The following CHRNG variants were observed in gnomAD, a reference collection of about 807,000 sequenced individuals.
The protein encoded by CHRNG is acetylcholine receptor subunit gamma.
CHRNG carries 72 observed loss-of-function variants against 65.2 expected under a neutral mutation model. The ratio of observed to expected loss-of-function variants is 1.10; its 90% CI spans 0.91 to 1.34. The LOEUF is 1.34. CHRNG is among the 40% of genes most tolerant of loss of function. The pLI is 0.00. For synonymous variants in CHRNG, 284 were observed against 290.2 expected (o/e 0.98, Z 0.22); for missense variants, 637 against 680.1 (o/e 0.94, Z 0.70).
chr2:232,545,711 G>T lies in CHRNG; in HGVS notation c.1549G>T (p.Asp517Tyr). ...GDPRPYLPSP[D>Y] The stretch of plus-strand genomic sequence containing the variant: ...TCCACGCCCCTACCTGCCCTCACCA[G>T]ACTGAGCCAACCAACCACTGTGGGG... Residue 517 changes from aspartate (D) to tyrosine (Y), a missense_variant, in exon 12 of 12, where the codon GAC becomes TAC. Asp to Tyr is a radical substitution (Grantham distance 160). Coordinates refer to ENST00000651502, the MANE Select transcript of CHRNG (RefSeq NM_005199.5). 6.2e-7 allele frequency: 1 copy of T among 1,614,138 alleles called. No individual in the cohort carries two copies. The highest frequency in any genetic ancestry group is 8.5e-7 in the Non-Finnish European group (1 of 1,180,050).
intron 10 of CHRNG, 47 bp from the exon 11 acceptor site, chr2:232,544,725 G>A (rs1341075107): frequency 6.2e-7 from 1 of 1,612,328 alleles, no homozygotes; most frequent in Non-Finnish European, 8.5e-7. Context: ...TTCTCTGCCT[G>A]TTTCTCCTCC....
At chr2:232,543,209 G>C in intron 7 of CHRNG, 66 bp from the exon 8 acceptor site, 1 of 1,531,726 alleles carries the variant, frequency 6.5e-7, no homozygotes, top group Non-Finnish European at 9.0e-7. Context: ...TACTTCTGGG[G>C]TAAGGGGTTC....
chr2:232,540,272 G>C lies in CHRNG; in HGVS notation c.196-109G>C. 2.5e-6 allele frequency: 4 copies of C among 1,598,738 alleles called. No homozygotes were observed. Among genetic ancestry groups the C allele is most frequent in the African/African-American group, 1.3e-5 (1 of 74,700 alleles). On this transcript the variant is annotated intron_variant, in intron 2 of 11. Transcript: ENST00000651502. This position sits in a 1 kb window ranked among gnomAD's most constrained non-coding sequence, Gnocchi z 4.2. Reference sequence around the variant, plus strand: ...GTCTGGAAAACCCCCATGGTTGTGGGGGGAGTACTATCAAGAGGCTGGGGG... The same window carrying C: ...GTCTGGAAAACCCCCATGGTTGTGGCGGGAGTACTATCAAGAGGCTGGGGG...
chr2:232,542,548 C>A (rs754079475), intron 6 of CHRNG, 28 bp downstream of exon 6: 9 of 1,473,904 alleles, frequency 6.1e-6, no homozygotes, highest in Admixed American at 1.7e-5. Flanking sequence ...GCTCCCCAGG[C>A]AGCCTCATCC....
chr2:232,545,031 T>G (rs567321090), intron 11 of CHRNG, 129 bp downstream of exon 11: 3 of 1,177,270 alleles, frequency 2.5e-6, no homozygotes, highest in East Asian at 2.6e-5. Flanking sequence ...GTGCAGTGGG[T>G]CACACCTGTA....
chr2:232,544,987 G>A, intron 11 of CHRNG, 85 bp downstream of exon 11: 1 of 1,568,048 alleles, frequency 6.4e-7, no homozygotes, highest in Non-Finnish European at 8.7e-7. Context: ...GGGTTGCCAA[G>A]ATAGGGCAGT....
intron 5 of CHRNG, 133 bp from the exon 6 acceptor site, chr2:232,542,290 T>C (rs752483876): frequency 1.4e-5 from 10 of 698,464 alleles, no homozygotes; most frequent in East Asian, 8.1e-5. Flanking sequence ...TGGGGTTTTA[T>C]AGAGAACTCA....
Position 232,539,988 on chromosome 2 carries a change from G to A in CHRNG, c.56-4G>A, listed in dbSNP as rs1466291910. The A allele has an allele frequency of 3.1e-6, 5 of 1,614,030 alleles. No individual in the cohort carries two copies. The highest frequency in any genetic ancestry group is 3.4e-6 in the Non-Finnish European group (4 of 1,180,020). On this transcript the variant is annotated splice_region_variant and splice_polypyrimidine_tract_variant and intron_variant, in intron 1 of 11. Transcript: ENST00000651502. Reference sequence around the variant, plus strand: ...CCTGCTAGGCTCACGCCTGTCTATTGCAGGGGCCCAGGGCCGGAACCAGGA... The same window carrying A: ...CCTGCTAGGCTCACGCCTGTCTATTACAGGGGCCCAGGGCCGGAACCAGGA...
chr2:232,544,412 C>T lies in CHRNG; in HGVS notation c.1081C>T (p.Pro361Ser). ...CCAGCTGCTGAGGATGCACGTTCGCCCGCTGGCCCCGGCAGCTGTGCAGGA... is the reference window on the plus strand; with the variant it reads ...CCAGCTGCTGAGGATGCACGTTCGCTCGCTGGCCCCGGCAGCTGTGCAGGA... The part of the protein sequence containing the change: ...LPQLLRMHVR[P>S]LAPAAVQDTQ... The change falls in exon 10 of 12, where the codon CCG becomes TCG. Residue 361 changes from proline (P) to serine (S), a missense_variant. Pro to Ser is a moderately conservative substitution (Grantham distance 74, BLOSUM62 -1). Coordinates refer to ENST00000651502, the MANE Select transcript of CHRNG (RefSeq NM_005199.5). 2 of 1,613,546 alleles carry T rather than the reference C, an allele frequency of 1.2e-6. No individual in the cohort carries two copies. The highest frequency in any genetic ancestry group is 1.7e-6 in the Non-Finnish European group (2 of 1,179,994).
intron 8 of CHRNG, 39 bp downstream of exon 8, chr2:232,543,428 T>C (rs753742552): frequency 2.0e-6 from 3 of 1,475,378 alleles, no homozygotes; most frequent in Non-Finnish European, 2.8e-6. Context: ...TATGCCACTC[T>C]CCCTTCTTGG....
intron 7 of CHRNG, 26 bp from the exon 8 acceptor site, chr2:232,543,249 T>C: frequency 6.2e-7 from 1 of 1,601,200 alleles, no homozygotes; most frequent in Non-Finnish European, 8.6e-7. Context: ...AGGAACCTGC[T>C]CTGAGAGCCT....
At position 232,546,886 on chromosome 2, in the gene CHRNG, G is replaced by A. The variant is rs1199345653; in HGVS notation, c.*1170G>A. On this transcript the variant is annotated 3_prime_UTR_variant, in exon 12 of 12. Transcript: ENST00000651502. ...AGAGCTAGGCAAGAGGAGGTGTGGA[G>A]TTAACAGAGAGCCACTGAGCTCTTC... Among the ~76,000 whole-genome samples the A allele has an allele frequency of 6.6e-6, 1 of 152,142 alleles. No homozygotes were observed. Among genetic ancestry groups the A allele is most frequent in the Non-Finnish European group, 1.5e-5 (1 of 68,028 alleles).
In CHRNG at chr2:232,544,590, A is replaced by G. The variant is rs1559305157; in HGVS notation, c.1249+10A>G. On this transcript the variant is annotated intron_variant, in intron 10 of 11. Coordinates refer to ENST00000651502, the MANE Select transcript of CHRNG (RefSeq NM_005199.5). ...GCGCTGGAGAAGCTAGGTGAGACAC[A>G]CCAGGTGTGCCTGGGGACAGTCCTC... 6.2e-7 allele frequency: 1 copy of G among 1,609,094 alleles called. No individual in the cohort carries two copies.
At chr2:232,543,742 C>T (rs766562368) in intron 9 of CHRNG, 43 bp downstream of exon 9, 1 of 1,187,646 alleles carries the variant, frequency 8.4e-7, no homozygotes, top group South Asian at 1.2e-5. Context: ...GCTGCCCACT[C>T]CCCTACGCCT....
Position 232,541,335 on chromosome 2 carries a change from G to T in CHRNG, c.351-39G>T. ...CTGGGGCTGGGGTGTCGGGGGCTGAGCCCACAGCCTCGTGGCCTGGCCTGT... is the reference window on the plus strand; with the variant it reads ...CTGGGGCTGGGGTGTCGGGGGCTGATCCCACAGCCTCGTGGCCTGGCCTGT... On this transcript the variant is annotated intron_variant, in intron 4 of 11. Transcript: ENST00000651502. The surrounding 1 kb of genome is among the most constrained non-coding windows in gnomAD (Gnocchi z 4.0). 5 of 1,613,428 alleles carry T rather than the reference G, an allele frequency of 3.1e-6. No individual in the cohort carries two copies. The highest frequency in any genetic ancestry group is 3.4e-6 in the Non-Finnish European group (4 of 1,179,776).
chr2:232,545,602 G>A lies in CHRNG; in HGVS notation c.1440G>A (p.Met480Ile). The change falls in exon 12 of 12, where the codon ATG (methionine) becomes ATA (isoleucine). Residue 480 changes from methionine (M) to isoleucine (I), a missense_variant. Transcript: ENST00000651502. ...RVLDRVCFLAMLSLFICGTAG... is the reference protein window; with the variant it reads ...RVLDRVCFLAILSLFICGTAG... Reference sequence around the variant, plus strand: ...TGGACCGCGTCTGCTTCCTGGCCATGCTCTCGCTCTTCATCTGTGGCACAG... The same window carrying A: ...TGGACCGCGTCTGCTTCCTGGCCATACTCTCGCTCTTCATCTGTGGCACAG... 12 of 1,614,114 alleles carry A rather than the reference G, an allele frequency of 7.4e-6. No individual in the cohort carries two copies. The highest frequency in any genetic ancestry group is 1.0e-5 in the Non-Finnish European group (12 of 1,180,022).
chr2:232,540,646 A>G lies in CHRNG; in HGVS notation c.285A>G (p.Glu95=), dbSNP rs1364933970. The G allele has an allele frequency of 6.2e-7, 1 of 1,613,118 alleles. No individual in the cohort carries two copies. The highest frequency in any genetic ancestry group is 1.1e-5 in the South Asian group (1 of 91,060). The change falls in exon 4 of 12, where the codon GAA becomes GAG. Residue 95 remains glutamate, a synonymous_variant. Transcript: ENST00000651502. The surrounding 1 kb of genome is among the most constrained non-coding windows in gnomAD (Gnocchi z 4.2). ...YRLRWDPRDY[E]GLWVLRVPST... is the part of the protein sequence containing the mutation. ...TGCGCTGGGATCCGCGAGACTACGA[A>G]GGCCTGTGGGTGCTGAGGGTGCCGT... is the stretch of plus-strand genomic sequence containing the variant.
chr2:232,543,854 G>T (rs1692070490), intron 9 of CHRNG, among the ~76,000 whole-genome samples, 155 bp downstream of exon 9: 1 of 152,222 alleles, frequency 6.6e-6, no homozygotes, highest in African/African-American at 2.4e-5. Flanking sequence ...AGTAATACAG[G>T]AATGAAATTG....
rs541483278 is a variant in CHRNG, at chr2:232,541,000, T to C, written c.350+289T>C. On this transcript the variant is annotated intron_variant, in intron 4 of 11. Transcript: ENST00000651502. The surrounding 1 kb of genome is among the most constrained non-coding windows in gnomAD (Gnocchi z 4.2). ...AACATGGGGCCGCTGACGGGTCCTA[T>C]AGAAGCTGGCGAGAGTCAACAAGAC... Among the ~76,000 whole-genome samples the C allele has an allele frequency of 2.6e-5, 4 of 152,120 alleles. No individual in the cohort carries two copies. The highest frequency in any genetic ancestry group is 7.2e-5 in the African/African-American group (3 of 41,484).
Sources: allele counts gnomAD v4.1 joint callset (sites outside exome capture counted in the v4.1 genomes callset), GRCh38; gene constraint gnomAD v4.1.1; non-coding constraint Gnocchi (gnomAD v3.1); transcripts MANE v1.5; gene names NCBI Gene and HGNC (gene_info 2026-07-23, HGNC 2026-07-21).